Variants in MT1M observed in about 807,000 individuals in gnomAD.
The protein encoded by MT1M is metallothionein-1M.
MT1M carries 11 observed loss-of-function variants against 8.5 expected under a neutral mutation model. That is an observed-to-expected ratio of 1.29 (90% CI 0.81 to 2.14). The LOEUF (loss-of-function observed/expected upper bound fraction) is 2.14, where lower values mean the gene tolerates loss of function less well. Ranked by LOEUF, MT1M falls within the 30% of genes most tolerant of loss-of-function variation. The pLI, the probability that MT1M is intolerant of heterozygous loss-of-function variation, is 0.00. For missense variants in MT1M, 84 were observed against 76.6 expected (o/e 1.10, Z -0.36); for synonymous variants, 28 against 30.0 (o/e 0.93, Z 0.22).
intron 1 of MT1M, 100 bp from the exon 2 acceptor site, chr16:56,633,240 C>T (rs1960312504): frequency 2.1e-5 from 32 of 1,541,960 alleles, no homozygotes; most frequent in Non-Finnish European, 2.8e-5. Context: ...GCTCTGAGGG[C>T]TGGCCCTGCA....
At position 56,633,878 on chromosome 16, in the gene MT1M, C is replaced by T. The variant is rs752778029; in HGVS notation, c.*36C>T. Reference sequence around the variant, plus strand: ...GCTCTTCTCCCAGATGTTAATAGAACAAGCTGCACAACCTGGATTTTTTTT... The same window carrying T: ...GCTCTTCTCCCAGATGTTAATAGAATAAGCTGCACAACCTGGATTTTTTTT... On this transcript the variant is annotated 3_prime_UTR_variant, in exon 3 of 3. Coordinates refer to ENST00000379818, the MANE Select transcript of MT1M (RefSeq NM_176870.3). 3 of 1,606,700 alleles carry T rather than the reference C, an allele frequency of 1.9e-6. No individual in the cohort carries two copies. The highest frequency in any genetic ancestry group is 4.5e-5 in the East Asian group (2 of 44,782).
At chr16:56,633,482 A>G in intron 2 of MT1M, 77 bp downstream of exon 2, 1 of 1,613,976 alleles carries the variant, frequency 6.2e-7, no homozygotes, top group Non-Finnish European at 8.5e-7. Context: ...CCCTGAGTGC[A>G]TCCTTCTGGG....
Position 56,633,371 on chromosome 16 carries a change from G to A in MT1M, c.60G>A (p.Thr20=), listed in dbSNP as rs369576990. ...GVSCACTGSC[T]CKECKCTSCK... is the part of the protein sequence containing the mutation. ...CCTGCGCCTGCACCGGCTCCTGCAC[G>A]TGCAAAGAGTGCAAATGCACCTCCT... Residue 20 remains threonine, a synonymous_variant, in exon 2 of 3, where the codon ACG becomes ACA. Transcript: ENST00000379818. 52 of 1,614,222 alleles carry A rather than the reference G, an allele frequency of 3.2e-5. No homozygotes were observed. In the African/African-American group the frequency reaches 6.3e-4, roughly 19 times the overall value.
In MT1M at chr16:56,633,876, A is replaced by G; in HGVS notation, c.*34A>G. ...CAGCTCTTCTCCCAGATGTTAATAG[A>G]ACAAGCTGCACAACCTGGATTTTTT... On this transcript the variant is annotated 3_prime_UTR_variant, in exon 3 of 3. Transcript: ENST00000379818. 6.2e-7 allele frequency: 1 copy of G among 1,609,280 alleles called. No individual in the cohort carries two copies. Among genetic ancestry groups the G allele is most frequent in the Non-Finnish European group, 8.5e-7 (1 of 1,176,176 alleles).
At position 56,633,923 on chromosome 16, in the gene MT1M, T is replaced by G; in HGVS notation, c.*81T>G. On this transcript the variant is annotated 3_prime_UTR_variant, in exon 3 of 3. Transcript: ENST00000379818. ...TTTTTTCAATACGATACTGAGCCAT[T>G]TGCTGCATTTCTTTTTATATTAAAT... 7.0e-7 allele frequency: 1 copy of G among 1,419,204 alleles called. No homozygotes were observed. The highest frequency in any genetic ancestry group is 9.8e-7 in the Non-Finnish European group (1 of 1,024,176). The allele number at this position is 1,419,204 out of a possible 1,614,324, so 87.9% of individuals were successfully genotyped here.
rs1960326345 is a variant in MT1M at position 56,633,898 on chromosome 16, T to A, written c.*56T>A. On this transcript the variant is annotated 3_prime_UTR_variant, in exon 3 of 3. Transcript: ENST00000379818. ...TAGAACAAGCTGCACAACCTGGATT[T>A]TTTTTCAATACGATACTGAGCCATT... is the stretch of plus-strand genomic sequence containing the variant. 1 of 1,582,306 alleles carries A rather than the reference T, an allele frequency of 6.3e-7. No individual in the cohort carries two copies. Among genetic ancestry groups the A allele is most frequent in the African/African-American group, 1.3e-5 (1 of 74,122 alleles).
chr16:56,633,459 A>C lies in MT1M; in HGVS notation c.94+54A>C, dbSNP rs73551631. 1,648 of 1,614,156 alleles carry C rather than the reference A, an allele frequency of 1.0e-3. 19 individuals are homozygous for C. In the African/African-American group the frequency reaches 0.019, roughly 19 times the overall value. On this transcript the variant is annotated intron_variant, in intron 2 of 2. Coordinates refer to ENST00000379818, the MANE Select transcript of MT1M (RefSeq NM_176870.3). Reference sequence around the variant, plus strand: ...GGGGCTGTGGCTGAGATTGGGAGGGAACCCAAGGCTGGCCCTGAGTGCATC... The same window carrying C: ...GGGGCTGTGGCTGAGATTGGGAGGGCACCCAAGGCTGGCCCTGAGTGCATC...
chr16:56,633,168 A>T (rs1399073108), intron 1 of MT1M, among the ~76,000 whole-genome samples, 172 bp from the exon 2 acceptor site: 1 of 152,128 alleles, frequency 6.6e-6, no homozygotes, highest in African/African-American at 2.4e-5. Context: ...GTAAAACAGG[A>T]GGGTGCTTGC....
chr16:56,633,866 A>C lies in MT1M; in HGVS notation c.*24A>C. On this transcript the variant is annotated 3_prime_UTR_variant, in exon 3 of 3. Transcript: ENST00000379818. Reference sequence around the variant, plus strand: ...GATGTGGGAACAGCTCTTCTCCCAGATGTTAATAGAACAAGCTGCACAACC... The same window carrying C: ...GATGTGGGAACAGCTCTTCTCCCAGCTGTTAATAGAACAAGCTGCACAACC... 6.2e-7 allele frequency: 1 copy of C among 1,612,924 alleles called. No homozygotes were observed. The highest frequency in any genetic ancestry group is 8.5e-7 in the Non-Finnish European group (1 of 1,179,000).
rs2144314018 is a variant in MT1M, at chr16:56,632,691, C to T, written c.-41C>T. 1 of 1,612,610 alleles carries T rather than the reference C, an allele frequency of 6.2e-7. No homozygotes were observed. Among genetic ancestry groups the T allele is most frequent in the Non-Finnish European group, 8.5e-7 (1 of 1,179,838 alleles). Reference sequence around the variant, plus strand: ...CGTCCGGGTGGGCCTAGCAGTCGCTCCATTTATCGCTTGAGATCTCCAGCC... The same window carrying T: ...CGTCCGGGTGGGCCTAGCAGTCGCTTCATTTATCGCTTGAGATCTCCAGCC... On this transcript the variant is annotated 5_prime_UTR_variant, in exon 1 of 3. Transcript: ENST00000379818.
In MT1M at chr16:56,633,885, C is replaced by T. The variant is rs1447107805; in HGVS notation, c.*43C>T. The T allele has an allele frequency of 3.7e-6, 6 of 1,601,450 alleles. No homozygotes were observed. The African/African-American group carries it at 8.0e-5, about 21-fold the overall frequency. On this transcript the variant is annotated 3_prime_UTR_variant, in exon 3 of 3. Coordinates refer to ENST00000379818, the MANE Select transcript of MT1M (RefSeq NM_176870.3). ...TCCCAGATGTTAATAGAACAAGCTG[C>T]ACAACCTGGATTTTTTTTCAATACG...
chr16:56,632,877 T>C, intron 1 of MT1M, 118 bp downstream of exon 1: 2 of 1,313,514 alleles, frequency 1.5e-6, no homozygotes, highest in Non-Finnish European at 2.2e-6. Context: ...CTTTACTTCC[T>C]TAGGTGCTTT....
rs1206642284 is a variant in MT1M, at chr16:56,633,565, G to A, written c.94+160G>A. On this transcript the variant is annotated intron_variant, in intron 2 of 2. Transcript: ENST00000379818. ...GCTTTCTGCCCTAAATTCAGATGGG[G>A]CAGGACAGCATTTTTCTCTTGGGAC... 6 of 1,592,008 alleles carry A rather than the reference G, an allele frequency of 3.8e-6. No homozygotes were observed. The African/African-American group carries it at 5.4e-5, about 14-fold the overall frequency.
Position 56,633,654 on chromosome 16 carries a change from T to A in MT1M, c.95-97T>A, listed in dbSNP as rs1334790639. On this transcript the variant is annotated intron_variant, in intron 2 of 2. Transcript: ENST00000379818. ...GCTGTGCCAGACGTAAAAAGCTTCC[T>A]CTGGGTCTGGGTTCTGAGCTCCAGC... 3 of 1,601,026 alleles carry A rather than the reference T, an allele frequency of 1.9e-6. No homozygotes were observed. The African/African-American group carries it at 4.0e-5, about 21-fold the overall frequency.
Position 56,633,881 on chromosome 16 carries a change from GCTGCACAAC to G in MT1M, c.*43_*51del, listed in dbSNP as rs765192449. Reference sequence around the variant, plus strand: ...CTTCTCCCAGATGTTAATAGAACAAGCTGCACAACCTGGATTTTTTTTCAATACGATACT... The same window carrying G: ...CTTCTCCCAGATGTTAATAGAACAAGCTGGATTTTTTTTCAATACGATACT... On this transcript the variant is annotated 3_prime_UTR_variant, in exon 3 of 3. Transcript: ENST00000379818. The G allele has an allele frequency of 8.1e-6, 13 of 1,606,710 alleles. No individual in the cohort carries two copies. In the African/African-American group the frequency reaches 1.6e-4, roughly 20 times the overall value.
At position 56,633,512 on chromosome 16, in the gene MT1M, C is replaced by G. The variant is rs774659507; in HGVS notation, c.94+107C>G. 9 of 1,608,238 alleles carry G rather than the reference C, an allele frequency of 5.6e-6. No homozygotes were observed. The South Asian group carries it at 9.9e-5, about 18-fold the overall frequency. On this transcript the variant is annotated intron_variant, in intron 2 of 2. Coordinates refer to ENST00000379818, the MANE Select transcript of MT1M (RefSeq NM_176870.3). Reference sequence around the variant, plus strand: ...TCTGGGGAACTGGGCTTTCTTTGCCCTCATTGCCCGTGTCATTCCCTCTCC... The same window carrying G: ...TCTGGGGAACTGGGCTTTCTTTGCCGTCATTGCCCGTGTCATTCCCTCTCC...
Position 56,632,742 on chromosome 16 carries a change from A to T in MT1M, c.11A>T (p.Asn4Ile), listed in dbSNP as rs1449292184. The T allele has an allele frequency of 3.1e-6, 5 of 1,613,666 alleles. No individual in the cohort carries two copies. Among genetic ancestry groups the T allele is most frequent in the Admixed American group, 1.7e-5 (1 of 60,004 alleles). MDP[N>I]CSCTTGVSCA... is the part of the protein sequence containing the mutation. ...TTACCGCGGCTCGAAATGGACCCCA[A>T]CTGCTCCTGCACCACTGGTAAGAGA... The change falls in exon 1 of 3, where the codon AAC becomes ATC. Residue 4 changes from asparagine to isoleucine, a missense_variant. Transcript: ENST00000379818.
chr16:56,633,507 T>C, intron 2 of MT1M, 102 bp downstream of exon 2: 1 of 1,608,172 alleles, frequency 6.2e-7, no homozygotes, highest in East Asian at 2.2e-5. Context: ...TGGGCTTTCT[T>C]TGCCCTCATT....
Position 56,633,843 on chromosome 16 carries a change from T to A in MT1M, c.*1T>A, listed in dbSNP as rs767103251. 1.2e-6 allele frequency: 2 copies of A among 1,614,144 alleles called. No individual in the cohort carries two copies. Among genetic ancestry groups the A allele is most frequent in the Admixed American group, 3.3e-5 (2 of 60,024 alleles). ...GGAGAACTGCAGCTGCTGTGCCTGA[T>A]GTGGGAACAGCTCTTCTCCCAGATG... is the stretch of plus-strand genomic sequence containing the variant. On this transcript the variant is annotated 3_prime_UTR_variant, in exon 3 of 3. Transcript: ENST00000379818.
Sources: allele counts gnomAD v4.1 joint callset (sites outside exome capture counted in the v4.1 genomes callset), GRCh38; gene constraint gnomAD v4.1.1; transcripts MANE v1.5; gene names NCBI Gene and HGNC (gene_info 2026-07-23, HGNC 2026-07-21).